Variants in EPHA7 observed in about 807,000 individuals in gnomAD.
The protein encoded by EPHA7 is ephrin type-A receptor 7.
EPHA7 carries 25 observed loss-of-function variants against 112.6 expected under a neutral mutation model. The ratio of observed to expected loss-of-function variants is 0.22; its 90% confidence interval spans 0.16 to 0.31. The LOEUF is 0.31. Ranked by LOEUF, EPHA7 falls within the 10% of genes least tolerant of loss-of-function variation. The pLI, the probability that EPHA7 is intolerant of heterozygous loss-of-function variation, is 1.00. For synonymous variants in EPHA7, 437 were observed against 406.5 expected (o/e 1.07, Z -0.90); for missense variants, 962 against 1,212.6 (o/e 0.79, Z 3.07).
At chr6:93,418,510 G>A (rs1402049849) in intron 1 of EPHA7, among the ~76,000 whole-genome samples, 1 of 152,202 alleles carries the variant, frequency 6.6e-6, no homozygotes, top group Non-Finnish European at 1.5e-5. Context: ...CCCGCCCCCT[G>A]CCTCCACGGC....
intron 16 of EPHA7, 54 bp from the exon 17 acceptor site, chr6:93,243,594 C>T (rs1422492999): frequency 8.4e-7 from 1 of 1,197,034 alleles, no homozygotes; most frequent in Non-Finnish European, 1.2e-6. Context: ...ATAAATGTGG[C>T]ACTAAACTGT....
At chr6:93,315,213 T>G (rs1773752935) in intron 5 of EPHA7, among the ~76,000 whole-genome samples, 1 of 152,148 alleles carries the variant, frequency 6.6e-6, no homozygotes, top group Admixed American at 6.6e-5. Context: ...TAAGTAAATA[T>G]ATATTATCAA....
chr6:93,243,764 C>T (rs2127844294), intron 16 of EPHA7, among the ~76,000 whole-genome samples: 1 of 152,200 alleles, frequency 6.6e-6, no homozygotes, highest in Admixed American at 6.5e-5. Flanking sequence ...AATTTACTCT[C>T]AATTCACTTT....
chr6:93,260,685 A>T (rs1770646794), intron 9 of EPHA7: 1 of 977,568 alleles, frequency 1.0e-6, no homozygotes, highest in East Asian at 1.1e-4. Flanking sequence ...ATCTTGATTT[A>T]TTCTGCTGTA....
intron 3 of EPHA7, among the ~76,000 whole-genome samples, chr6:93,382,014 T>C (rs1012081037): frequency 1.3e-5 from 2 of 152,188 alleles, no homozygotes; most frequent in Non-Finnish European, 2.9e-5. Context: ...AAGAATTACA[T>C]AAAAAGAATT....
chr6:93,256,386 A>G (rs1465471603), intron 12 of EPHA7, among the ~76,000 whole-genome samples: 1 of 151,974 alleles, frequency 6.6e-6, no homozygotes, highest in Non-Finnish European at 1.5e-5. Context: ...ACATGCCAAA[A>G]AGTCTAAATA....
At chr6:93,333,857 A>T (rs981803628) in intron 5 of EPHA7, among the ~76,000 whole-genome samples, 7 of 152,022 alleles carry the variant, frequency 4.6e-5, no homozygotes, top group African/African-American at 1.7e-4. Context: ...ATATTGTTAA[A>T]ATGGCCATTT....
chr6:93,353,323 T>A (rs1290812181), intron 5 of EPHA7, among the ~76,000 whole-genome samples: 1 of 152,114 alleles, frequency 6.6e-6, no homozygotes, highest in African/African-American at 2.4e-5. Context: ...GGCATGTTCA[T>A]GATAAGTAAA....
At chr6:93,366,700 T>C (rs4707796) in intron 3 of EPHA7, among the ~76,000 whole-genome samples, 16,492 of 152,144 alleles carry the variant, frequency 0.11, 1,030 homozygotes, top group East Asian at 0.3. Context: ...CCAACCGGTT[T>C]ACCTCTCGCT....
intron 3 of EPHA7, among the ~76,000 whole-genome samples, chr6:93,408,807 C>A (rs1380121563): frequency 6.6e-6 from 1 of 152,008 alleles, no homozygotes; most frequent in Admixed American, 6.6e-5. Context: ...AATACAAACA[C>A]AATGTGAGCC....
chr6:93,393,330 A>G (rs1778000446), intron 3 of EPHA7, among the ~76,000 whole-genome samples: 1 of 151,892 alleles, frequency 6.6e-6, no homozygotes, highest in Admixed American at 6.6e-5. Flanking sequence ...AATCAGTATC[A>G]TATGTAAATA....
chr6:93,299,941 A>G (rs751305326), intron 5 of EPHA7, among the ~76,000 whole-genome samples: 2 of 152,106 alleles, frequency 1.3e-5, no homozygotes, highest in Non-Finnish European at 2.9e-5. Context: ...CATGGACACA[A>G]ATAGGGGAAC....
intron 5 of EPHA7, among the ~76,000 whole-genome samples, chr6:93,279,445 AC>A (rs1562063915): frequency 6.6e-6 from 1 of 152,052 alleles, no homozygotes; most frequent in Non-Finnish European, 1.5e-5. Context: ...CTGCTGGCAA[AC>A]TGGTATCTAA....
At chr6:93,271,661 G>T (rs1214832759) in intron 6 of EPHA7, among the ~76,000 whole-genome samples, 1 of 151,686 alleles carries the variant, frequency 6.6e-6, no homozygotes, top group Non-Finnish European at 1.5e-5. Context: ...CTAAAATTTA[G>T]TCATTATAGG....
At chr6:93,390,570 A>G (rs1415977997) in intron 3 of EPHA7, among the ~76,000 whole-genome samples, 1 of 108,980 alleles carries the variant, frequency 9.2e-6, no homozygotes, top group East Asian at 4.2e-4. Context: ...CAGCCAGGAC[A>G]AAAAAAAAAA....
intron 5 of EPHA7, among the ~76,000 whole-genome samples, chr6:93,354,950 T>C (rs1775869755): frequency 6.6e-6 from 1 of 152,136 alleles, no homozygotes; most frequent in Non-Finnish European, 1.5e-5. Flanking sequence ...TCATTCTAAC[T>C]TAGTAGAACC....
chr6:93,380,950 A>G (rs1175770912), intron 3 of EPHA7, among the ~76,000 whole-genome samples: 3 of 152,164 alleles, frequency 2.0e-5, no homozygotes, highest in Admixed American at 1.3e-4. Flanking sequence ...ATTTTTCACC[A>G]AAACTATTAA....
At chr6:93,247,725 CATATCTAATATT>C (rs920054857) in intron 14 of EPHA7, among the ~76,000 whole-genome samples, 1 of 152,074 alleles carries the variant, frequency 6.6e-6, no homozygotes, top group Non-Finnish European at 1.5e-5. Flanking sequence ...ATCTAATAGG[CATATCTAATATT>C]ATATCTAATA....
At chr6:93,311,910 T>G (rs1214658292) in intron 5 of EPHA7, among the ~76,000 whole-genome samples, 1 of 152,170 alleles carries the variant, frequency 6.6e-6, no homozygotes, top group Non-Finnish European at 1.5e-5. Flanking sequence ...CCATTGGAGC[T>G]CTTGGGTAAC....
Sources: gnomAD v4.1 joint callset for allele counts (sites outside exome capture counted in the v4.1 genomes callset) on GRCh38, gnomAD v4.1.1 for gene constraint, MANE v1.5 for transcripts, NCBI Gene and HGNC (gene_info 2026-07-23, HGNC 2026-07-21) for gene names.